The following LRRC8C variants were observed in gnomAD, a reference collection of about 807,000 sequenced individuals.
LRRC8C encodes the protein leucine rich repeat containing 8 VRAC subunit C.
LRRC8C carries 20 observed loss-of-function variants against 55.3 expected under a neutral mutation model. The observed-to-expected ratio is 0.36, with a 90% CI of 0.25 to 0.53. LRRC8C has a LOEUF of 0.53. Among genes scored for constraint, LRRC8C ranks in the 20% least tolerant of loss-of-function variants. The pLI is 0.92. For missense variants in LRRC8C, 659 were observed against 951.4 expected, an observed-to-expected ratio of 0.69 and a Z score of 4.04; for synonymous variants, 376 against 360.7, an observed-to-expected ratio of 1.04 and a Z score of -0.48.
chr1:89,717,466 T>C lies in LRRC8C; in HGVS notation c.*2484T>C, dbSNP rs1327621377. On this transcript the variant is annotated 3_prime_UTR_variant, in exon 3 of 3. Coordinates refer to ENST00000370454, the MANE Select transcript of LRRC8C (RefSeq NM_032270.5). ...AAATATTGATTTGTTTTTTAGTGAT[T>C]TTGCAGGCTGACCCCCAACCTAAGT... 1 of 152,146 alleles carries C rather than the reference T, an allele frequency of 6.6e-6. No homozygotes were observed. Among genetic ancestry groups the C allele is most frequent in the Non-Finnish European group, 1.5e-5 (1 of 68,010 alleles). The allele number at this position is 152,146 out of a possible 1,614,324, so 9.4% of individuals were successfully genotyped here. A position where few individuals can be genotyped will look rare whatever the true frequency, so the allele number is the denominator to read the frequency against.
intron 2 of LRRC8C, among the ~76,000 whole-genome samples, chr1:89,697,718 G>T (rs949381629): frequency 3.9e-5 from 6 of 152,082 alleles, no homozygotes; most frequent in Non-Finnish European, 5.9e-5. Flanking sequence ...ATGGCTTATG[G>T]AAAAATGCCA....
intron 1 of LRRC8C, among the ~76,000 whole-genome samples, chr1:89,641,864 T>C (rs1361356357): frequency 1.3e-5 from 2 of 152,216 alleles, no homozygotes; most frequent in East Asian, 1.9e-4. Flanking sequence ...TATATTTCTG[T>C]GTTCTGTTCT....
At chr1:89,674,554 C>G (rs1011235004) in intron 1 of LRRC8C, among the ~76,000 whole-genome samples, 2 of 152,166 alleles carry the variant, frequency 1.3e-5, no homozygotes, top group African/African-American at 4.8e-5. Context: ...ACCTAACATT[C>G]TGATTTTTAG....
At chr1:89,627,260 G>A in the LRRC8C span, among the ~76,000 whole-genome samples, 1 of 151,558 alleles carries the variant, frequency 6.6e-6, no homozygotes, top group Non-Finnish European at 1.5e-5. Flanking sequence ...AGGAACCATA[G>A]ACAATGACCA....
intron 1 of LRRC8C, among the ~76,000 whole-genome samples, chr1:89,675,830 T>A (rs925281174): frequency 1.3e-5 from 2 of 151,848 alleles, no homozygotes; most frequent in Non-Finnish European, 2.9e-5. Flanking sequence ...AAAAAGAAAC[T>A]GGAGTGAAGA....
intron 2 of LRRC8C, among the ~76,000 whole-genome samples, chr1:89,703,341 A>C (rs531553140): frequency 6.6e-6 from 1 of 152,308 alleles, no homozygotes; most frequent in East Asian, 1.9e-4. Flanking sequence ...AACTTACCAA[A>C]TAGTTACTGA....
chr1:89,661,468 G>A (rs745893803), intron 1 of LRRC8C: 34 of 198,196 alleles, frequency 1.7e-4, no homozygotes, highest in Admixed American at 4.8e-4. Flanking sequence ...GTTTGCTGAA[G>A]AGGCCTCCGA....
intron 2 of LRRC8C, 121 bp downstream of exon 2, chr1:89,686,732 A>C: frequency 9.0e-7 from 1 of 1,116,984 alleles, no homozygotes; most frequent in African/African-American, 1.6e-5. Flanking sequence ...TTCTCTGTGG[A>C]TGTATTTGTA....
At chr1:89,632,343 G>A (rs1656130184), upstream of LRRC8C, 2 of 152,270 alleles carry the variant, frequency 1.3e-5, no homozygotes, top group Non-Finnish European at 2.9e-5. Context: ...TGCGGGAGCT[G>A]TAGGCGGGGC....
intron 1 of LRRC8C, among the ~76,000 whole-genome samples, chr1:89,673,002 A>G (rs1357440381): frequency 1.3e-5 from 2 of 152,014 alleles, no homozygotes; most frequent in East Asian, 3.9e-4. Context: ...CCTACTTTCC[A>G]CTGCCCAAAA....
intron 2 of LRRC8C, among the ~76,000 whole-genome samples, chr1:89,695,669 C>T (rs1658154576): frequency 6.6e-6 from 1 of 152,036 alleles, no homozygotes; most frequent in Non-Finnish European, 1.5e-5. Flanking sequence ...CATCATTTTA[C>T]CTTGTAAGAA....
intron 1 of LRRC8C, chr1:89,661,165 T>G (rs932931609): frequency 1.6e-5 from 3 of 185,238 alleles, no homozygotes; most frequent in African/African-American, 7.2e-5. Flanking sequence ...TGTGGATGGC[T>G]TCTGGAAGAC....
chr1:89,682,468 C>T (rs1657742969), intron 1 of LRRC8C, among the ~76,000 whole-genome samples: 1 of 152,166 alleles, frequency 6.6e-6, no homozygotes, highest in Non-Finnish European at 1.5e-5. Context: ...AACAGTGACC[C>T]TCTACCTCGG....
chr1:89,623,412 T>A, the LRRC8C span, among the ~76,000 whole-genome samples: 1 of 152,130 alleles, frequency 6.6e-6, no homozygotes, highest in African/African-American at 2.4e-5. Flanking sequence ...GAAACAAGGA[T>A]GGAAGGCTAT....
the LRRC8C span, among the ~76,000 whole-genome samples, chr1:89,624,578 C>A: frequency 6.6e-6 from 1 of 152,168 alleles, no homozygotes. Context: ...AGATGTCAGG[C>A]ACTCTATTAT....
intron 2 of LRRC8C, among the ~76,000 whole-genome samples, chr1:89,706,087 T>C (rs1171149511): frequency 1.3e-5 from 2 of 152,168 alleles, no homozygotes; most frequent in African/African-American, 2.4e-5. Context: ...TGAGCACTTA[T>C]CACACTAATT....
intron 1 of LRRC8C, among the ~76,000 whole-genome samples, chr1:89,670,452 G>T (rs918624084): frequency 2.6e-5 from 4 of 151,918 alleles, no homozygotes; most frequent in Non-Finnish European, 5.9e-5. Context: ...TGTAATTCTG[G>T]TAACTACTTT....
In LRRC8C at chr1:89,696,919, C is replaced by T. The variant is rs1320001393; in HGVS notation, c.138+10308C>T. ...AATTCTCCCTCTATAGGTAAAAGAC[C>T]TGTTTGTCTGAAATGTGTGGAACCT... On this transcript the variant is annotated intron_variant, in intron 2 of 2. Transcript: ENST00000370454. Among the ~76,000 whole-genome samples, 3 of 152,066 alleles carry T rather than the reference C, an allele frequency of 2.0e-5. No individual in the cohort carries two copies. The East Asian group carries it at 5.8e-4, about 29-fold the overall frequency.
At chr1:89,653,808 GA>G (rs1380016836) in intron 1 of LRRC8C, among the ~76,000 whole-genome samples, 1 of 152,188 alleles carries the variant, frequency 6.6e-6, no homozygotes, top group Non-Finnish European at 1.5e-5. Flanking sequence ...GATGGTTGTG[GA>G]AATAGCAGAT....
Sources: allele counts gnomAD v4.1 joint callset (sites outside exome capture counted in the v4.1 genomes callset), GRCh38; gene constraint gnomAD v4.1.1; transcripts MANE v1.5; gene names NCBI Gene and HGNC (gene_info 2026-07-23, HGNC 2026-07-21).